Variants in SLIT3 observed in about 807,000 individuals in gnomAD.
SLIT3 encodes slit guidance ligand 3.
Under a neutral mutation model 184.0 loss-of-function variants are expected in SLIT3, and 68 were observed. The observed-to-expected ratio is 0.37, with a 90% CI of 0.30 to 0.45. The LOEUF (loss-of-function observed/expected upper bound fraction) is 0.45. Ranked by LOEUF, SLIT3 falls within the 20% of genes least tolerant of loss-of-function variation. The probability of loss-of-function intolerance (pLI) is 1.00; values close to 1 mark genes in which losing one functional copy is unlikely to be tolerated. For missense variants in SLIT3, 1,707 were observed against 2,026.0 expected, an observed-to-expected ratio of 0.84 and a Z score of 3.02; for synonymous variants, 831 against 828.6, an observed-to-expected ratio of 1.00 and a Z score of -0.05.
intron 4 of SLIT3, among the ~76,000 whole-genome samples, chr5:169,107,611 G>A (rs985139214): frequency 2.6e-5 from 4 of 152,230 alleles, no homozygotes; most frequent in Non-Finnish European, 4.4e-5. Flanking sequence ...GGGAGGCCCC[G>A]GCCATGCTGG....
intron 4 of SLIT3, among the ~76,000 whole-genome samples, chr5:169,017,080 C>T (rs13355041): frequency 0.071 from 10,769 of 152,180 alleles, 1,229 homozygotes; most frequent in African/African-American, 0.24. Flanking sequence ...TGCTTTAAAT[C>T]CTCAAGTAAC....
intron 1 of SLIT3, among the ~76,000 whole-genome samples, chr5:169,268,382 T>C (rs991706743): frequency 9.2e-5 from 14 of 152,210 alleles, no homozygotes; most frequent in African/African-American, 3.1e-4. Flanking sequence ...TGTCATCTGA[T>C]GGCACCACAT....
chr5:169,122,218 C>T (rs1760906545), intron 4 of SLIT3, among the ~76,000 whole-genome samples: 1 of 152,198 alleles, frequency 6.6e-6, no homozygotes, highest in Non-Finnish European at 1.5e-5. Flanking sequence ...GGGAAACACA[C>T]TCAGTTATTA....
chr5:168,800,555 C>G (rs1438172814), intron 9 of SLIT3, among the ~76,000 whole-genome samples: 1 of 152,080 alleles, frequency 6.6e-6, no homozygotes, highest in Non-Finnish European at 1.5e-5. Flanking sequence ...CCATTGCACT[C>G]TAGCCTGGGC....
At chr5:169,161,972 G>C (rs929417078) in intron 4 of SLIT3, among the ~76,000 whole-genome samples, 2 of 151,940 alleles carry the variant, frequency 1.3e-5, no homozygotes, top group African/African-American at 4.8e-5. Context: ...TTTGTAAAGG[G>C]TGCCAACACG....
At chr5:168,849,687 T>C (rs930549049) in intron 5 of SLIT3, among the ~76,000 whole-genome samples, 3 of 152,248 alleles carry the variant, frequency 2.0e-5, no homozygotes, top group Admixed American at 6.5e-5. Context: ...ACAGCTGAAT[T>C]ATACTGAAAG....
chr5:168,701,206 T>C (rs1762203734), intron 26 of SLIT3, among the ~76,000 whole-genome samples: 1 of 152,224 alleles, frequency 6.6e-6, no homozygotes. Context: ...CTGTAAATGC[T>C]AGAAGATAAC....
chr5:168,756,305 A>G (rs758797266), intron 16 of SLIT3, among the ~76,000 whole-genome samples: 2 of 152,170 alleles, frequency 1.3e-5, no homozygotes, highest in African/African-American at 2.4e-5. Flanking sequence ...TCCCTTAGGG[A>G]CTGACTTGGA....
intron 4 of SLIT3, among the ~76,000 whole-genome samples, chr5:168,938,327 C>T (rs1184142744): frequency 6.6e-6 from 1 of 152,200 alleles, no homozygotes; most frequent in South Asian, 2.1e-4. Flanking sequence ...CTAACTTTCA[C>T]AGAGAATGTT....
At chr5:169,033,165 T>C (rs1441636532) in intron 4 of SLIT3, among the ~76,000 whole-genome samples, 2 of 152,212 alleles carry the variant, frequency 1.3e-5, no homozygotes, top group East Asian at 3.9e-4. Context: ...TTTTTGTTTG[T>C]TTGTTTGTTT....
At chr5:169,275,432 G>C (rs201074162) in intron 1 of SLIT3, among the ~76,000 whole-genome samples, 12 of 152,322 alleles carry the variant, frequency 7.9e-5, no homozygotes, top group African/African-American at 2.9e-4. Context: ...CCTAGCTGCA[G>C]TGTCAGAGGG....
rs1252473841 is a variant in SLIT3 at position 168,665,444 on chromosome 5, C to CTTCTCTACTGGGATACA, written c.*993_*1009dup. The CTTCTCTACTGGGATACA allele has an allele frequency of 6.6e-6, 1 of 152,220 alleles. No individual in the cohort carries two copies. The highest frequency in any genetic ancestry group is 1.5e-5 in the Non-Finnish European group (1 of 68,102). 9.4% of individuals were successfully genotyped at this position (152,220 alleles called of 1,614,324 possible). On this transcript the variant is annotated 3_prime_UTR_variant, in exon 36 of 36. Coordinates refer to ENST00000519560, the MANE Select transcript of SLIT3 (RefSeq NM_003062.4). ...TCCGCTTCCAAGAAGGGCTGACTAC[C>CTTCTCTACTGGGATACA]TTCTCTACTGGGATACATTCCAATG...
chr5:169,146,616 C>T (rs1761934664), intron 4 of SLIT3, among the ~76,000 whole-genome samples: 1 of 152,172 alleles, frequency 6.6e-6, no homozygotes, highest in Admixed American at 6.5e-5. Flanking sequence ...GCTACCTGCA[C>T]ACCTCTCACC....
chr5:169,120,286 A>G (rs1156284002), intron 4 of SLIT3: 1 of 152,146 alleles, frequency 6.6e-6, no homozygotes, highest in Non-Finnish European at 1.5e-5. Context: ...TGCTCCAGGA[A>G]CACGTGCTTT....
chr5:168,909,849 T>G (rs2113074039), intron 4 of SLIT3, among the ~76,000 whole-genome samples: 1 of 152,336 alleles, frequency 6.6e-6, no homozygotes, highest in African/African-American at 2.4e-5. Flanking sequence ...TCTCCGGACT[T>G]ATCTCTTTAG....
chr5:168,994,623 C>CTTTTTTTTTT lies in SLIT3; in HGVS notation c.414-111297_414-111288dup, dbSNP rs66498923. On this transcript the variant is annotated intron_variant, in intron 4 of 35. Transcript: ENST00000519560. ...ACATGTACCAGTGTCTGGCATTCTA[C>CTTTTTTTTTT]TTTTTTTTTTTTTTTTTTTTTTTTT... 9.6e-4 allele frequency among the ~76,000 whole-genome samples: 45 copies of CTTTTTTTTTT among 47,100 alleles called. 14 individuals carry two copies. The highest frequency in any genetic ancestry group is 1.5e-3 in the East Asian group (2 of 1,300). 30.9% of individuals were successfully genotyped at this position (47,100 alleles called of 152,430 possible).
chr5:168,707,892 G>A lies in SLIT3; in HGVS notation c.2844+84C>T, dbSNP rs545345968. ...CTGTCCCTTGGAGAAGGGAGGGTAC[G>A]CAGGGCATGGTGCCCCTCTCTAGGG... On this transcript the variant is annotated intron_variant, in intron 26 of 35. Coordinates refer to ENST00000519560, the MANE Select transcript of SLIT3 (RefSeq NM_003062.4). 131 of 1,545,238 alleles carry A rather than the reference G, an allele frequency of 8.5e-5. No individual in the cohort carries two copies. The South Asian group carries it at 1.4e-3, about 16-fold the overall frequency.
rs112909444 is a variant in SLIT3, at chr5:168,884,103, GT to G, written c.414-768del. The stretch of plus-strand genomic sequence containing the variant: ...TTCCTTTCTAAGAAAGATATGGGCT[GT>G]TTTTTTTTTTTGGTTTGTTTCCCAC... On this transcript the variant is annotated intron_variant, in intron 4 of 35. Coordinates refer to ENST00000519560, the MANE Select transcript of SLIT3 (RefSeq NM_003062.4). 6.8e-3 allele frequency among the ~76,000 whole-genome samples: 954 copies of G among 141,048 alleles called. 11 individuals carry two copies. Among genetic ancestry groups the G allele is most frequent in the African/African-American group, 0.022 (842 of 38,710 alleles). 92.5% of individuals were successfully genotyped at this position (141,048 alleles called of 152,430 possible).
At chr5:169,066,709 G>T (rs370782341) in intron 4 of SLIT3, among the ~76,000 whole-genome samples, 1 of 152,150 alleles carries the variant, frequency 6.6e-6, no homozygotes, top group East Asian at 1.9e-4. Flanking sequence ...AATCATCATG[G>T]TATACTCAAA....
Sources: allele counts gnomAD v4.1 joint callset (sites outside exome capture counted in the v4.1 genomes callset), GRCh38; gene constraint gnomAD v4.1.1; transcripts MANE v1.5; gene names NCBI Gene and HGNC (gene_info 2026-07-23, HGNC 2026-07-21).